Variants in ADAMTS8 observed in about 807,000 individuals in gnomAD.
The protein encoded by ADAMTS8 is A disintegrin and metalloproteinase with thrombospondin motifs 8.
ADAMTS8 carries 50 observed loss-of-function variants against 64.4 expected under a neutral mutation model. The observed-to-expected ratio is 0.78, with a 90% CI of 0.62 to 0.98. The LOEUF (loss-of-function observed/expected upper bound fraction) is 0.98. Among genes scored for constraint, ADAMTS8 ranks in the 50% least tolerant of loss-of-function variants. The pLI, the probability that ADAMTS8 is intolerant of heterozygous loss-of-function variation, is 0.00. For synonymous variants in ADAMTS8, 556 were observed against 533.6 expected (o/e 1.04, Z -0.58); for missense variants, 1,192 against 1,208.2 (o/e 0.99, Z 0.20).
Position 130,428,009 on chromosome 11 carries a change from C to T in ADAMTS8, c.278G>A (p.Gly93Asp), listed in dbSNP as rs1221943263. The change falls in exon 1 of 9, where the codon GGC (glycine) becomes GAC (aspartate). Residue 93 changes from glycine (G) to aspartate (D), a missense_variant. Around this residue, in one of 5 missense-constraint regions of ADAMTS8, gnomAD observed 741 missense variants for 710.6 expected, o/e 1.04. Transcript: ENST00000257359. ...GAAGCAGCCGCGCAGCCCCCGCTCG[C>T]CCCCGGTCGCCCGGCCGGAGCCCCC... ...RLGGSGRATG[G>D]ERGLRGCFFS... 5.2e-6 allele frequency: 8 copies of T among 1,525,802 alleles called. No individual in the cohort carries two copies. Among genetic ancestry groups the T allele is most frequent in the African/African-American group, 4.2e-5 (3 of 71,274 alleles). The allele number at this position is 1,525,802 out of a possible 1,614,324, so 94.5% of individuals were successfully genotyped here. A position where few individuals can be genotyped will look rare whatever the true frequency, so the allele number is the denominator to read the frequency against.
chr11:130,419,895 A>T (rs1403089638), intron 1 of ADAMTS8, among the ~76,000 whole-genome samples: 1 of 151,564 alleles, frequency 6.6e-6, no homozygotes, highest in Admixed American at 6.6e-5. Context: ...TTGGGGGGGG[A>T]TTTGTTAACA....
intron 1 of ADAMTS8, among the ~76,000 whole-genome samples, chr11:130,421,815 G>C (rs1170537415): frequency 6.6e-6 from 1 of 152,208 alleles, no homozygotes; most frequent in East Asian, 1.9e-4. Context: ...GTCCTGTGGG[G>C]ATCAGGCCTG....
intron 5 of ADAMTS8, 124 bp downstream of exon 5, chr11:130,414,407 C>T: frequency 8.0e-7 from 1 of 1,242,376 alleles, no homozygotes; most frequent in Non-Finnish European, 1.1e-6. Flanking sequence ...AGCCGCTCTG[C>T]CTGGCTGTCT....
At chr11:130,407,177 G>A (rs375333126) in intron 8 of ADAMTS8, among the ~76,000 whole-genome samples, 2 of 152,170 alleles carry the variant, frequency 1.3e-5, no homozygotes, top group Admixed American at 1.3e-4. Flanking sequence ...AGACCAGCCT[G>A]GCCAACATGA....
chr11:130,409,966 A>T (rs57519184), intron 6 of ADAMTS8, among the ~76,000 whole-genome samples: 1,591 of 152,302 alleles, frequency 0.01, 35 homozygotes, highest in African/African-American at 0.034. Flanking sequence ...GGTGGCACAG[A>T]TAACTCCCAG....
Position 130,416,164 on chromosome 11 carries a change from G to A in ADAMTS8, c.1263C>T (p.His421=), listed in dbSNP as rs545389490. The A allele has an allele frequency of 1.1e-4, 167 of 1,574,816 alleles. No homozygotes were observed. The highest frequency in any genetic ancestry group is 1.3e-4 in the Non-Finnish European group (154 of 1,158,556). ...MYLTELLDGG[H]GDCLLDAPAA... The stretch of plus-strand genomic sequence containing the variant: ...TAGGGCGGGGCCGCCGGTGCCTACC[G>A]TGCCCGCCGTCCAGAAGCTCTGTGA... The change falls in exon 4 of 9, where the codon CAC becomes CAT. Residue 421 remains histidine, a splice_region_variant and synonymous_variant. Coordinates refer to ENST00000257359, the MANE Select transcript of ADAMTS8 (RefSeq NM_007037.6). The surrounding 1 kb of genome is among the most constrained non-coding windows in gnomAD (Gnocchi z 4.8).
intron 6 of ADAMTS8, among the ~76,000 whole-genome samples, 160 bp from the exon 7 acceptor site, chr11:130,409,100 G>A (rs900489650): frequency 2.6e-5 from 4 of 152,122 alleles, no homozygotes; most frequent in African/African-American, 7.2e-5. Flanking sequence ...ATTCCTAGAC[G>A]CATGTGTGAC....
chr11:130,415,603 CTTTTTT>C (rs386375276), intron 4 of ADAMTS8, among the ~76,000 whole-genome samples: 1 of 104,800 alleles, frequency 9.5e-6, no homozygotes, highest in Non-Finnish European at 1.8e-5. Context: ...GCACCTGGCC[CTTTTTT>C]TTTTTTTTTT....
At chr11:130,406,770 C>T (rs1861890320) in intron 8 of ADAMTS8, among the ~76,000 whole-genome samples, 1 of 152,174 alleles carries the variant, frequency 6.6e-6, no homozygotes, top group African/African-American at 2.4e-5. Context: ...TGATAGGAAG[C>T]AGTTTTGGGA....
chr11:130,415,623 TA>T (rs1411362820), intron 4 of ADAMTS8, among the ~76,000 whole-genome samples: 18 of 145,684 alleles, frequency 1.2e-4, no homozygotes, highest in African/African-American at 4.8e-4. Flanking sequence ...TTTTTTTTTT[TA>T]AAGAGATAGC....
chr11:130,405,755 TG>T lies in ADAMTS8; in HGVS notation c.2472del (p.Thr825ProfsTer33). 6.2e-7 allele frequency: 1 copy of T among 1,614,166 alleles called. No homozygotes were observed. Among genetic ancestry groups the T allele is most frequent in the Non-Finnish European group, 8.5e-7 (1 of 1,180,026 alleles). ...FSMQSSKERA[T>X]TNIIQPLLHA... Reference sequence around the variant, plus strand: ...TGGAGCAGCGGCTGGATGATGTTGGTGGTTGCTCTCTCTTTGCTGCTCTGCA... The same window carrying T: ...TGGAGCAGCGGCTGGATGATGTTGGTGTTGCTCTCTCTTTGCTGCTCTGCA... On this transcript the variant is annotated frameshift_variant, in exon 9 of 9. Transcript: ENST00000257359. LOFTEE classifies it low-confidence loss of function (END_TRUNC).
chr11:130,415,484 T>G (rs940377428), intron 4 of ADAMTS8, among the ~76,000 whole-genome samples: 1 of 151,864 alleles, frequency 6.6e-6, no homozygotes, highest in African/African-American at 2.4e-5. Flanking sequence ...TTTGTATCTT[T>G]AGTAGAGATG....
At chr11:130,408,167 G>T (rs1257531241) in intron 8 of ADAMTS8, among the ~76,000 whole-genome samples, 6 of 152,186 alleles carry the variant, frequency 3.9e-5, no homozygotes, top group Non-Finnish European at 7.3e-5. Context: ...AGAGATGACA[G>T]CTCCCTATCC....
intron 1 of ADAMTS8, among the ~76,000 whole-genome samples, chr11:130,425,513 CAT>C (rs149326959): frequency 0.031 from 4,652 of 152,114 alleles, 253 homozygotes; most frequent in African/African-American, 0.1. Flanking sequence ...GAATCTGTTC[CAT>C]GTGTGGGGGT....
chr11:130,407,865 T>C (rs2134672880), intron 8 of ADAMTS8, among the ~76,000 whole-genome samples: 1 of 152,346 alleles, frequency 6.6e-6, no homozygotes, highest in South Asian at 2.1e-4. Context: ...GCTCACCTCA[T>C]GGACTTATTT....
Position 130,416,361 on chromosome 11 carries a change from T to C in ADAMTS8, c.1097-31A>G. ...GAGAGAGGCCTGGTCCACTCCGCCC[T>C]GTCCTGCCTGAGGGCGCCCCACCTG... On this transcript the variant is annotated intron_variant, in intron 3 of 8. Transcript: ENST00000257359. The surrounding 1 kb of genome is among the most constrained non-coding windows in gnomAD (Gnocchi z 4.8). 1 of 1,519,984 alleles carries C rather than the reference T, an allele frequency of 6.6e-7. No homozygotes were observed. The highest frequency in any genetic ancestry group is 1.2e-5 in the South Asian group (1 of 81,636). The allele number at this position is 1,519,984 out of a possible 1,614,324, so 94.2% of individuals were successfully genotyped here. A position where few individuals can be genotyped will look rare whatever the true frequency, so the allele number is the denominator to read the frequency against.
At chr11:130,426,563 C>T (rs913192608) in intron 1 of ADAMTS8, among the ~76,000 whole-genome samples, 1 of 152,182 alleles carries the variant, frequency 6.6e-6, no homozygotes, top group African/African-American at 2.4e-5. Context: ...AAAGAGCACC[C>T]CTCTTCTGGA....
chr11:130,420,013 C>T (rs1201442286), intron 1 of ADAMTS8, among the ~76,000 whole-genome samples: 5 of 152,232 alleles, frequency 3.3e-5, no homozygotes, highest in Non-Finnish European at 2.9e-5. Context: ...TTCCATTTCA[C>T]GAATGAGGAA....
Position 130,428,133 on chromosome 11 carries a change from CG to C in ADAMTS8, c.153del (p.Glu52SerfsTer24), listed in dbSNP as rs1254135564. 14 of 1,498,366 alleles carry C rather than the reference CG, an allele frequency of 9.3e-6. No individual in the cohort carries two copies. Among genetic ancestry groups the C allele is most frequent in the Non-Finnish European group, 1.2e-5 (14 of 1,133,128 alleles). 92.8% of individuals were successfully genotyped at this position (1,498,366 alleles called of 1,614,324 possible). ...VVPTRLPGSA[G>X]ELALHLSAFG... is the part of the protein sequence containing the mutation. ...AAGGCGGACAGGTGGAGCGCGAGCT[CG>C]CCCGCGCTGCCGGGCAACCGCGTGG... is the stretch of plus-strand genomic sequence containing the variant. On this transcript the variant is annotated frameshift_variant, in exon 1 of 9. Coordinates refer to ENST00000257359, the MANE Select transcript of ADAMTS8 (RefSeq NM_007037.6). LOFTEE classifies it high-confidence loss of function.
Sources: allele counts gnomAD v4.1 joint callset (sites outside exome capture counted in the v4.1 genomes callset), GRCh38; gene constraint gnomAD v4.1.1; regional missense constraint gnomAD v4.1.1; non-coding constraint Gnocchi (gnomAD v3.1); transcripts MANE v1.5; gene names NCBI Gene and HGNC (gene_info 2026-07-23, HGNC 2026-07-21).